The following MAST2 variants were observed in gnomAD, a reference collection of about 807,000 sequenced individuals.
MAST2 encodes microtubule associated serine/threonine kinase 2.
Under a neutral mutation model 147.4 loss-of-function variants are expected in MAST2, and 70 were observed. The ratio of observed to expected loss-of-function variants is 0.47; its 90% CI spans 0.39 to 0.58. The LOEUF is 0.58. Ranked by LOEUF, MAST2 falls within the 20% of genes least tolerant of loss-of-function variation. The pLI is 0.00. For missense variants in MAST2, 2,080 were observed against 2,302.3 expected, an observed-to-expected ratio of 0.90 and a Z score of 1.98; for synonymous variants, 869 against 896.8, an observed-to-expected ratio of 0.97 and a Z score of 0.55.
chr1:45,823,744 C>T (rs6694340), intron 1 of MAST2, among the ~76,000 whole-genome samples: 69,314 of 151,866 alleles, frequency 0.46, 16,037 homozygotes, highest in East Asian at 0.66. Context: ...TATACCTCAT[C>T]GGGCTGATTT....
chr1:45,856,868 A>G (rs1012860060), intron 3 of MAST2, among the ~76,000 whole-genome samples: 5 of 151,934 alleles, frequency 3.3e-5, no homozygotes, highest in African/African-American at 1.2e-4. Flanking sequence ...GGAGATGTGC[A>G]TCATATGTAG....
chr1:45,905,433 C>T (rs6697843), intron 4 of MAST2, among the ~76,000 whole-genome samples: 67,768 of 151,512 alleles, frequency 0.45, 15,329 homozygotes, highest in East Asian at 0.63. Context: ...GTGATCTGCC[C>T]GTCTTGGCCT....
intron 4 of MAST2, among the ~76,000 whole-genome samples, chr1:45,899,700 A>G (rs111329530): frequency 2.6e-5 from 4 of 151,872 alleles, no homozygotes; most frequent in South Asian, 2.1e-4. Flanking sequence ...TCTTTATCCA[A>G]TCTACTGATG....
chr1:45,840,810 C>T (rs907206834), intron 3 of MAST2, among the ~76,000 whole-genome samples: 8 of 152,232 alleles, frequency 5.3e-5, no homozygotes, highest in Admixed American at 5.2e-4. Context: ...AAAGCATGTT[C>T]AAATAAGGCA....
intron 5 of MAST2, among the ~76,000 whole-genome samples, chr1:45,960,699 A>G (rs186607029): frequency 6.6e-6 from 1 of 152,296 alleles, no homozygotes; most frequent in East Asian, 1.9e-4. Context: ...ACTTCTGTGC[A>G]GTTCATTGCT....
At chr1:45,847,498 CCTTTTTTT>C in intron 3 of MAST2, 1 of 776,136 alleles carries the variant, frequency 1.3e-6, no homozygotes. Flanking sequence ...TTCAATTTTT[CCTTTTTTT>C]CTTATTTGTG....
intron 3 of MAST2, 128 bp from the exon 4 acceptor site, chr1:45,882,236 T>G: frequency 3.5e-6 from 2 of 569,156 alleles, no homozygotes; most frequent in Non-Finnish European, 6.2e-6. Flanking sequence ...AAAGAAAAAG[T>G]TGTTATTTAG....
Position 46,034,063 on chromosome 1 carries a change from A to G in MAST2, c.3675-10A>G, listed in dbSNP as rs1346765412. On this transcript the variant is annotated splice_polypyrimidine_tract_variant and intron_variant, in intron 27 of 28. Transcript: ENST00000361297. ...TGCACCGACTCAGCCTTTGACCCTTATCCCCGCAGCAGAAAAAGGAGCTCC... is the reference window on the plus strand; with the variant it reads ...TGCACCGACTCAGCCTTTGACCCTTGTCCCCGCAGCAGAAAAAGGAGCTCC... The G allele has an allele frequency of 6.2e-7, 1 of 1,611,700 alleles. No homozygotes were observed. Among genetic ancestry groups the G allele is most frequent in the Middle Eastern group, 1.7e-4 (1 of 6,046 alleles).
chr1:45,955,529 A>G lies in MAST2; in HGVS notation c.501-3857A>G, dbSNP rs186997706. Among the ~76,000 whole-genome samples, 7 of 152,306 alleles carry G rather than the reference A, an allele frequency of 4.6e-5. No homozygotes were observed. In the East Asian group the frequency reaches 1.3e-3, roughly 29 times the overall value. On this transcript the variant is annotated intron_variant, in intron 4 of 28. Transcript: ENST00000361297. ...TGCTAGGAGAAAAATATATCAAGAA[A>G]GGGGGATAGAGAGTTTGGGAGGGTT...
chr1:45,976,742 G>A (rs1644175880), intron 5 of MAST2, among the ~76,000 whole-genome samples: 1 of 152,186 alleles, frequency 6.6e-6, no homozygotes, highest in Admixed American at 6.5e-5. Context: ...GATGTTAGGG[G>A]AATGTTTGAA....
chr1:45,965,882 G>C (rs1661120704), intron 5 of MAST2, among the ~76,000 whole-genome samples: 1 of 152,084 alleles, frequency 6.6e-6, no homozygotes, highest in Non-Finnish European at 1.5e-5. Context: ...AGCCTACACT[G>C]ACACATCACC....
At position 45,970,667 on chromosome 1, in the gene MAST2, C is replaced by CAAA. The variant is rs754544108; in HGVS notation, c.592+11210_592+11212dup. Among the ~76,000 whole-genome samples the CAAA allele has an allele frequency of 4.0e-3, 292 of 72,308 alleles. 3 individuals are homozygous for CAAA. Among genetic ancestry groups the CAAA allele is most frequent in the East Asian group, 8.0e-3 (16 of 1,994 alleles). 47.4% of individuals were successfully genotyped at this position (72,308 alleles called of 152,430 possible). A position where few individuals can be genotyped will look rare whatever the true frequency, so the allele number is the denominator to read the frequency against. ...TGGGCAACAGAGGAAGACTCTGTCTCAAAAAAAAAAAAAAAAAAAAAAGAA... is the reference window on the plus strand; with the variant it reads ...TGGGCAACAGAGGAAGACTCTGTCTCAAAAAAAAAAAAAAAAAAAAAAAAAGAA... On this transcript the variant is annotated intron_variant, in intron 5 of 28. Coordinates refer to ENST00000361297, the MANE Select transcript of MAST2 (RefSeq NM_015112.3).
At chr1:46,034,019 C>T in intron 27 of MAST2, 54 bp from the exon 28 acceptor site, 2 of 1,604,964 alleles carry the variant, frequency 1.2e-6, no homozygotes, top group Non-Finnish European at 1.7e-6. Context: ...CCTGGGGGTC[C>T]AGTGTGTGCT....
intron 4 of MAST2, among the ~76,000 whole-genome samples, chr1:45,954,544 C>T (rs112051090): frequency 6.6e-6 from 1 of 152,128 alleles, no homozygotes; most frequent in Non-Finnish European, 1.5e-5. Flanking sequence ...TCCAGGCTAC[C>T]ACCCGTCCGC....
chr1:45,931,377 G>GGTT (rs1553235899), intron 4 of MAST2, among the ~76,000 whole-genome samples: 1 of 101,224 alleles, frequency 9.9e-6, no homozygotes, highest in Admixed American at 1.3e-4. Flanking sequence ...ATTGTGTTCT[G>GGTT]TTTTTTTTTT....
intron 7 of MAST2, among the ~76,000 whole-genome samples, chr1:46,005,951 C>A (rs1296078652): frequency 2.0e-5 from 3 of 152,182 alleles, no homozygotes; most frequent in Admixed American, 2.0e-4. Flanking sequence ...AGTGAGGAAG[C>A]ATGATTTATT....
At chr1:45,815,322 A>G (rs760173347) in intron 1 of MAST2, among the ~76,000 whole-genome samples, 8 of 151,912 alleles carry the variant, frequency 5.3e-5, no homozygotes, top group Non-Finnish European at 1.0e-4. Flanking sequence ...GGCACATGCC[A>G]TCACACCCAG....
At chr1:46,022,690 A>G (rs551554483) in intron 12 of MAST2, among the ~76,000 whole-genome samples, 2 of 152,300 alleles carry the variant, frequency 1.3e-5, no homozygotes, top group South Asian at 2.1e-4. Context: ...GTGAATGGCA[A>G]TGGACTTCTG....
At chr1:45,893,125 C>A (rs918773085) in intron 4 of MAST2, among the ~76,000 whole-genome samples, 23 of 152,116 alleles carry the variant, frequency 1.5e-4, no homozygotes, top group African/African-American at 5.3e-4. Context: ...TATAAAACTC[C>A]ACTGACCTAG....
Sources: gnomAD v4.1 joint callset for allele counts (sites outside exome capture counted in the v4.1 genomes callset) on GRCh38, gnomAD v4.1.1 for gene constraint, MANE v1.5 for transcripts, NCBI Gene and HGNC (gene_info 2026-07-23, HGNC 2026-07-21) for gene names.